TBL1XR1: variants seen among roughly 807,000 people sequenced by gnomAD.
TBL1XR1 encodes F-box-like/WD repeat-containing protein TBL1XR1.
A neutral mutation model predicts 66.9 loss-of-function variants in TBL1XR1; 5 were observed. That is an observed-to-expected ratio of 0.07 (90% confidence interval 0.04 to 0.16). The LOEUF is 0.16. TBL1XR1 is among the 10% of genes least tolerant of loss of function. TBL1XR1 has a pLI of 1.00. For synonymous variants in TBL1XR1, 210 were observed against 206.0 expected, an observed-to-expected ratio of 1.02 and a Z score of -0.17; for missense variants, 238 against 623.2, an observed-to-expected ratio of 0.38 and a Z score of 6.58.
intron 1 of TBL1XR1, among the ~76,000 whole-genome samples, chr3:177,113,438 C>G (rs1461601877): frequency 6.6e-6 from 1 of 152,042 alleles, no homozygotes; most frequent in Non-Finnish European, 1.5e-5. Flanking sequence ...AAACAATAAC[C>G]TACAGGAGAA....
chr3:177,173,265 T>G (rs190166777), intron 1 of TBL1XR1, among the ~76,000 whole-genome samples: 1 of 152,350 alleles, frequency 6.6e-6, no homozygotes, highest in Admixed American at 6.5e-5. Context: ...AAATTTTCCA[T>G]GCTTTTCCCT....
At position 177,054,059 on chromosome 3, in the gene TBL1XR1, T is replaced by C. The variant is rs140181568; in HGVS notation, c.59-141A>G. 0.085 allele frequency: 57,404 copies of C among 678,508 alleles called. 3,042 individuals are homozygous for C. Among genetic ancestry groups the C allele is most frequent in the Admixed American group, 0.17 (5,464 of 31,910 alleles). 42.0% of individuals were successfully genotyped at this position (678,508 alleles called of 1,614,324 possible). A position where few individuals can be genotyped will look rare whatever the true frequency, so the allele number is the denominator to read the frequency against. ...CAGACGAAGGTCGTGTGTGTGTGTG[T>C]GTGTGTGTGTGTGTGCGCGCGCGTG... On this transcript the variant is annotated intron_variant, in intron 3 of 15. Coordinates refer to ENST00000457928, the MANE Select transcript of TBL1XR1 (RefSeq NM_024665.7).
intron 3 of TBL1XR1, among the ~76,000 whole-genome samples, chr3:177,058,569 C>T (rs772285941): frequency 1.3e-5 from 2 of 152,128 alleles, no homozygotes; most frequent in African/African-American, 2.4e-5. Flanking sequence ...AGAATATTAC[C>T]TCAAATATCT....
At chr3:177,072,392 C>G (rs1720133790) in intron 2 of TBL1XR1, among the ~76,000 whole-genome samples, 1 of 151,522 alleles carries the variant, frequency 6.6e-6, no homozygotes, top group African/African-American at 2.4e-5. Flanking sequence ...GTGGGTAAAA[C>G]TGCTCACACC....
At chr3:177,131,251 T>C (rs539231599) in intron 1 of TBL1XR1, 4 of 701,570 alleles carry the variant, frequency 5.7e-6, no homozygotes, top group Non-Finnish European at 7.0e-6. Flanking sequence ...CAAAGACACA[T>C]AGCAACACAC....
At chr3:177,079,562 G>C (rs1001178463) in intron 2 of TBL1XR1, 1 of 151,080 alleles carries the variant, frequency 6.6e-6, no homozygotes, top group Non-Finnish European at 1.5e-5. Flanking sequence ...AATTTTAATC[G>C]ACTGTTGCTA....
chr3:177,175,816 T>C (rs1056082017), intron 1 of TBL1XR1, among the ~76,000 whole-genome samples: 4 of 152,130 alleles, frequency 2.6e-5, no homozygotes, highest in Non-Finnish European at 4.4e-5. Flanking sequence ...CCTAGCACTT[T>C]GGGAGGCCGA....
intron 1 of TBL1XR1, among the ~76,000 whole-genome samples, chr3:177,099,212 C>T (rs1311726212): frequency 1.3e-5 from 2 of 152,032 alleles, no homozygotes; most frequent in Non-Finnish European, 2.9e-5. Flanking sequence ...ACTAAAAATA[C>T]AAAAATCAGC....
At chr3:177,111,825 G>A (rs552503283) in intron 1 of TBL1XR1, among the ~76,000 whole-genome samples, 40 of 151,760 alleles carry the variant, frequency 2.6e-4, no homozygotes, top group African/African-American at 9.4e-4. Context: ...TTCACAGAAA[G>A]AGAAACGGTT....
chr3:177,057,541 C>T (rs1358492523), intron 3 of TBL1XR1, among the ~76,000 whole-genome samples: 2 of 152,186 alleles, frequency 1.3e-5, no homozygotes, highest in African/African-American at 4.8e-5. Context: ...CCAGAAAAAG[C>T]ATATGACTTA....
chr3:177,153,930 A>G (rs1482243504), intron 1 of TBL1XR1, among the ~76,000 whole-genome samples: 2 of 151,642 alleles, frequency 1.3e-5, no homozygotes, highest in Non-Finnish European at 2.9e-5. Flanking sequence ...GGTAGCCACT[A>G]AAGAGGTATG....
At chr3:177,189,377 C>T (rs537130872) in intron 1 of TBL1XR1, among the ~76,000 whole-genome samples, 3 of 151,936 alleles carry the variant, frequency 2.0e-5, no homozygotes, top group East Asian at 3.9e-4. Flanking sequence ...ATTAGCTGGG[C>T]GTGGTGGTAC....
intron 1 of TBL1XR1, among the ~76,000 whole-genome samples, chr3:177,112,090 TATATATATA>T (rs1560188422): frequency 1.5e-4 from 8 of 52,386 alleles, no homozygotes; most frequent in Non-Finnish European, 2.0e-4. Context: ...TATATATATA[TATATATATA>T]TATATATATT....
intron 1 of TBL1XR1, among the ~76,000 whole-genome samples, chr3:177,105,589 A>T (rs2108693070): frequency 6.6e-6 from 1 of 152,350 alleles, no homozygotes; most frequent in South Asian, 2.1e-4. Flanking sequence ...CACACAAATC[A>T]TTCAGTTGAA....
intron 1 of TBL1XR1, among the ~76,000 whole-genome samples, chr3:177,149,216 G>C (rs1044329334): frequency 2.0e-5 from 3 of 152,142 alleles, no homozygotes; most frequent in South Asian, 2.1e-4. Context: ...AACAACAGTA[G>C]CATCTGCAAT....
At chr3:177,101,431 T>C (rs1271136266) in intron 1 of TBL1XR1, among the ~76,000 whole-genome samples, 3 of 152,184 alleles carry the variant, frequency 2.0e-5, no homozygotes, top group Non-Finnish European at 2.9e-5. Flanking sequence ...TTTCATGTGT[T>C]GGAGACTTAA....
At chr3:177,188,503 C>T (rs921085078) in intron 1 of TBL1XR1, among the ~76,000 whole-genome samples, 8 of 151,948 alleles carry the variant, frequency 5.3e-5, no homozygotes, top group South Asian at 2.1e-4. Flanking sequence ...GCCAAAATTG[C>T]GCCATTGCAC....
Position 177,072,295 on chromosome 3 carries a change from G to A in TBL1XR1, c.-45-7273C>T, listed in dbSNP as rs563907413. Among the ~76,000 whole-genome samples the A allele has an allele frequency of 2.4e-4, 37 of 152,268 alleles. No individual in the cohort carries two copies. The South Asian group carries it at 7.3e-3, about 30-fold the overall frequency. On this transcript the variant is annotated intron_variant, in intron 2 of 15. Transcript: ENST00000457928. ...TCCCAAGACTTTTTAAGGGAACTGT[G>A]AGGTCAAAATTACTTTTATGGTATT...
intron 15 of TBL1XR1, chr3:177,026,096 T>A (rs1713084567): frequency 2.3e-6 from 1 of 431,938 alleles, no homozygotes. Context: ...CTTCTCAGAA[T>A]GTTCCTCTGG....
Sources: allele counts gnomAD v4.1 joint callset (sites outside exome capture counted in the v4.1 genomes callset), GRCh38; gene constraint gnomAD v4.1.1; transcripts MANE v1.5; gene names NCBI Gene and HGNC (gene_info 2026-07-23, HGNC 2026-07-21).